Variants in TTC7A observed in about 807,000 individuals in gnomAD.
TTC7A encodes tetratricopeptide repeat protein 7A.
In TTC7A, 110 loss-of-function variants were observed where a neutral mutation model predicts 103.7. The ratio of observed to expected loss-of-function variants is 1.06; its 90% CI spans 0.91 to 1.24. The LOEUF is 1.24. Among genes scored for constraint, TTC7A ranks in the 50% most tolerant of loss-of-function variants. The pLI, the probability that TTC7A is intolerant of heterozygous loss-of-function variation, is 0.00. For synonymous variants in TTC7A, 521 were observed against 467.9 expected, an observed-to-expected ratio of 1.11 and a Z score of -1.47; for missense variants, 1,340 against 1,116.3, an observed-to-expected ratio of 1.20 and a Z score of -2.86.
In TTC7A at chr2:47,020,784, A is replaced by G. The variant is rs116600607; in HGVS notation, c.1393-1078A>G. Among the ~76,000 whole-genome samples, 805 of 152,340 alleles carry G rather than the reference A, an allele frequency of 5.3e-3. 7 individuals are homozygous for G. The highest frequency in any genetic ancestry group is 0.015 in the African/African-American group (614 of 41,586). On this transcript the variant is annotated intron_variant, in intron 11 of 19. Transcript: ENST00000319190. ...TCCTAACTCCAGGGAGAGAGAATCC[A>G]CTGCCCCTCTTCCTGTGTCCAGTGG...
At chr2:46,916,684 G>C (rs1207415904) in intron 1 of TTC7A, 1 of 162,488 alleles carries the variant, frequency 6.2e-6, no homozygotes, top group Non-Finnish European at 1.3e-5. Flanking sequence ...TCCCAGGCTG[G>C]AGTGCAGTGG....
intron 3 of TTC7A, among the ~76,000 whole-genome samples, chr2:46,960,375 C>G (rs1377397008): frequency 6.6e-6 from 1 of 152,202 alleles, no homozygotes; most frequent in Admixed American, 6.5e-5. Context: ...TACCAATTTC[C>G]TGAGCTCCTC....
Position 47,073,632 on chromosome 2 carries a change from T to G in TTC7A, c.2356-70T>G, listed in dbSNP as rs944599184. The G allele has an allele frequency of 4.3e-6, 6 of 1,393,060 alleles. No individual in the cohort carries two copies. The African/African-American group carries it at 8.5e-5, about 20-fold the overall frequency. 86.3% of individuals were successfully genotyped at this position (1,393,060 alleles called of 1,614,324 possible). A position where few individuals can be genotyped will look rare whatever the true frequency, so the allele number is the denominator to read the frequency against. The stretch of plus-strand genomic sequence containing the variant: ...GCTGCTGCCACCCGTGCACCTGTGC[T>G]TGGCCCAGTTGCCAAGATGCCTGTG... On this transcript the variant is annotated intron_variant, in intron 19 of 19. Transcript: ENST00000319190.
At chr2:47,025,692 T>C (rs1313750111) in intron 14 of TTC7A, among the ~76,000 whole-genome samples, 1 of 152,214 alleles carries the variant, frequency 6.6e-6, no homozygotes, top group Non-Finnish European at 1.5e-5. Flanking sequence ...CCAACGGCCC[T>C]GATGTCATCC....
At chr2:47,051,616 G>T (rs1358845963) in intron 17 of TTC7A, 130 bp from the exon 18 acceptor site, 36 of 1,207,112 alleles carry the variant, frequency 3.0e-5, no homozygotes, top group Non-Finnish European at 4.0e-5. Flanking sequence ...CTTTCTGGCT[G>T]CCCAGCCGCA....
chr2:47,010,807 C>T (rs550773083), intron 10 of TTC7A, among the ~76,000 whole-genome samples: 1 of 152,320 alleles, frequency 6.6e-6, no homozygotes, highest in South Asian at 2.1e-4. Flanking sequence ...TCAAGCGATT[C>T]TCGTGTCTCA....
chr2:46,927,286 C>G lies in TTC7A; in HGVS notation c.82+10009C>G, dbSNP rs183637187. Among the ~76,000 whole-genome samples the G allele has an allele frequency of 1.0e-4, 15 of 149,936 alleles. 1 individual carries two copies. In the East Asian group the frequency reaches 2.9e-3, roughly 29 times the overall value. ...CAAAGTTAATGAAAAGAAACCTAAG[C>G]TAAGCACATTAAAATAAGTCTGTAG... On this transcript the variant is annotated intron_variant, in intron 2 of 20. Transcript: ENST00000409245.
chr2:46,936,134 T>C (rs898318823), intron 2 of TTC7A, among the ~76,000 whole-genome samples: 2 of 152,206 alleles, frequency 1.3e-5, no homozygotes, highest in Non-Finnish European at 2.9e-5. Flanking sequence ...TTTGCTTATT[T>C]AGCTTCCCAA....
upstream of TTC7A, among the ~76,000 whole-genome samples, chr2:46,938,884 G>A (rs575658186): frequency 2.0e-5 from 3 of 152,048 alleles, no homozygotes; most frequent in East Asian, 1.9e-4. Flanking sequence ...GGTGGTGCAC[G>A]CCTGTAGTCC....
intron 3 of TTC7A, among the ~76,000 whole-genome samples, chr2:46,969,375 C>T (rs186068414): frequency 9.9e-4 from 150 of 152,010 alleles, no homozygotes; most frequent in African/African-American, 3.5e-3. Context: ...AGCTTAGTGG[C>T]GGGTGTCTGT....
intron 1 of TTC7A, among the ~76,000 whole-genome samples, chr2:46,948,009 A>G (rs2103948573): frequency 6.6e-6 from 1 of 152,312 alleles, no homozygotes; most frequent in Admixed American, 6.5e-5. Flanking sequence ...TTCTCTTGGC[A>G]TGAAAGTACC....
chr2:46,999,959 C>T lies in TTC7A; in HGVS notation c.1065+4760C>T, dbSNP rs1008013424. On this transcript the variant is annotated intron_variant, in intron 8 of 19. Coordinates refer to ENST00000319190, the MANE Select transcript of TTC7A (RefSeq NM_020458.4). ...TTGTGCCATGCCCAATGCTGGGCAT[C>T]TGGCTGTTTGAATCTTGAATTTACC... 44 of 932,820 alleles carry T rather than the reference C, an allele frequency of 4.7e-5. No individual in the cohort carries two copies. The Admixed American group carries it at 9.3e-4, about 20-fold the overall frequency. 57.8% of individuals were successfully genotyped at this position (932,820 alleles called of 1,614,324 possible).
At chr2:47,012,032 G>A (rs1678121861) in intron 11 of TTC7A, among the ~76,000 whole-genome samples, 1 of 152,224 alleles carries the variant, frequency 6.6e-6, no homozygotes, top group South Asian at 2.1e-4. Context: ...CCAGTTGGGG[G>A]TTGCAGGCTC....
At chr2:46,978,044 G>A (rs1238982130) in intron 4 of TTC7A, 1 of 152,254 alleles carries the variant, frequency 6.6e-6, no homozygotes, top group African/African-American at 2.4e-5. Context: ...GGTGGGGCAT[G>A]GACAGTAGTG....
In TTC7A at chr2:47,072,101, G is replaced by A. The variant is rs139826947; in HGVS notation, c.2356-1601G>A. Among the ~76,000 whole-genome samples, 44 of 152,158 alleles carry A rather than the reference G, an allele frequency of 2.9e-4. 1 individual carries two copies. The South Asian group carries it at 4.8e-3, about 16-fold the overall frequency. ...GTGAGCTGCTGGGGTCTGGCCCTTG[G>A]GTCTGGTGTGGGTGGAACAGCTAGG... is the stretch of plus-strand genomic sequence containing the variant. On this transcript the variant is annotated intron_variant, in intron 19 of 19. Transcript: ENST00000319190.
chr2:46,921,260 A>G (rs963252155), intron 2 of TTC7A, among the ~76,000 whole-genome samples: 5 of 152,258 alleles, frequency 3.3e-5, no homozygotes, highest in Admixed American at 2.6e-4. Flanking sequence ...GATCATGCAC[A>G]TAGAAAATCC....
intron 2 of TTC7A, among the ~76,000 whole-genome samples, chr2:46,935,122 C>T (rs1669910613): frequency 6.6e-6 from 1 of 152,028 alleles, no homozygotes; most frequent in South Asian, 2.1e-4. Flanking sequence ...TCTTTAAGGC[C>T]TTTGATTACT....
chr2:46,977,380 A>G (rs1194077116), intron 4 of TTC7A, among the ~76,000 whole-genome samples: 2 of 152,316 alleles, frequency 1.3e-5, no homozygotes, highest in East Asian at 1.9e-4. Flanking sequence ...GAGGAGGTGG[A>G]TGCCTCATTG....
intron 10 of TTC7A, among the ~76,000 whole-genome samples, chr2:47,010,990 G>A (rs111958304): frequency 7.9e-5 from 12 of 152,232 alleles, no homozygotes; most frequent in East Asian, 1.9e-4. Flanking sequence ...GTGAGCCACC[G>A]TGCCCAGCCC....
Sources: gnomAD v4.1 joint callset for allele counts (sites outside exome capture counted in the v4.1 genomes callset) on GRCh38, gnomAD v4.1.1 for gene constraint, MANE v1.5 for transcripts, NCBI Gene and HGNC (gene_info 2026-07-23, HGNC 2026-07-21) for gene names.